Variants in KLKB1 observed in about 807,000 individuals in gnomAD.
The protein encoded by KLKB1 is plasma kallikrein.
In KLKB1, 58 loss-of-function variants were observed where a neutral mutation model predicts 73.6. That is an observed-to-expected ratio of 0.79 (90% CI 0.64 to 0.98). The LOEUF (loss-of-function observed/expected upper bound fraction) is 0.98, where lower values mean the gene tolerates loss of function less well. Ranked by LOEUF, KLKB1 falls within the 50% of genes least tolerant of loss-of-function variation. The pLI, the probability that KLKB1 is intolerant of heterozygous loss-of-function variation, is 0.00. For synonymous variants in KLKB1, 280 were observed against 258.1 expected (o/e 1.08, Z -0.81); for missense variants, 737 against 763.8 (o/e 0.96, Z 0.41).
chr4:186,231,266 T>G (rs528473375), intron 2 of KLKB1, among the ~76,000 whole-genome samples: 2 of 152,356 alleles, frequency 1.3e-5, no homozygotes, highest in East Asian at 3.9e-4. Context: ...AGTTGACAAC[T>G]GAAATGAATG....
At chr4:186,228,965 G>T (rs1407837324) in intron 2 of KLKB1, 1 of 152,144 alleles carries the variant, frequency 6.6e-6, no homozygotes, top group Non-Finnish European at 1.5e-5. Context: ...TTCCTCAGAT[G>T]TATGGCTACA....
chr4:186,215,388 GCTTT>G lies in KLKB1; in HGVS notation c.201+6120_201+6123del, dbSNP rs1266255876. On this transcript the variant is annotated intron_variant, in intron 2 of 14. Transcript: ENST00000511608. The stretch of plus-strand genomic sequence containing the variant: ...TCCTTCCTTCCTTCCTTCTTTCCTT[GCTTT>G]CTTCTTTCTTTCCTTGCTTTCTCTC... Among the ~76,000 whole-genome samples, 300 of 118,932 alleles carry G rather than the reference GCTTT, an allele frequency of 2.5e-3. 1 individual carries two copies. Among genetic ancestry groups the G allele is most frequent in the Non-Finnish European group, 4.4e-3 (254 of 57,528 alleles). 78.0% of individuals were successfully genotyped at this position (118,932 alleles called of 152,430 possible).
At chr4:186,249,827 T>G (rs1738571298) in intron 6 of KLKB1, among the ~76,000 whole-genome samples, 1 of 152,226 alleles carries the variant, frequency 6.6e-6, no homozygotes, top group Non-Finnish European at 1.5e-5. Flanking sequence ...CCTGTTCTAA[T>G]TTTAATAGGC....
chr4:186,252,157 G>A lies in KLKB1; in HGVS notation c.1285G>A (p.Val429Ile). Residue 429 changes from valine to isoleucine, a missense_variant, in exon 11 of 15, where the codon GTC (valine) becomes ATC (isoleucine). Val to Ile is a conservative substitution (Grantham distance 29). Transcript: ENST00000264690. Reference sequence around the variant, plus strand: ...AGGGTCACTCATAGGACACCAGTGGGTCCTCACTGCTGCCCACTGCTTTGA... The same window carrying A: ...AGGGTCACTCATAGGACACCAGTGGATCCTCACTGCTGCCCACTGCTTTGA... ...CGGSLIGHQW[V>I]LTAAHCFDGL... 6.2e-7 allele frequency: 1 copy of A among 1,613,866 alleles called. No individual in the cohort carries two copies. The highest frequency in any genetic ancestry group is 1.1e-5 in the South Asian group (1 of 91,090).
At chr4:186,231,774 T>C (rs528931591) in intron 2 of KLKB1, among the ~76,000 whole-genome samples, 9 of 152,244 alleles carry the variant, frequency 5.9e-5, no homozygotes, top group Non-Finnish European at 1.2e-4. Flanking sequence ...AAAAGTGTTT[T>C]GAAAATAGAG....
chr4:186,250,256 C>A lies in KLKB1; in HGVS notation c.612C>A (p.Asn204Lys). ...GTGAGTTCACAGGTTGCCACATGAA[C>A]ATCTTCCAGCATCTTGCGTTCTCAG... ...CALSEIGCHM[N>K]IFQHLAFSDV... The change falls in exon 7 of 15, where the codon AAC becomes AAA. Residue 204 changes from asparagine (N) to lysine (K), a missense_variant. By Grantham distance (94) the Asn-to-Lys change is moderately conservative (BLOSUM62 0). Coordinates refer to ENST00000264690, the MANE Select transcript of KLKB1 (RefSeq NM_000892.5). 1 of 1,614,128 alleles carries A rather than the reference C, an allele frequency of 6.2e-7. No homozygotes were observed. Among genetic ancestry groups the A allele is most frequent in the Non-Finnish European group, 8.5e-7 (1 of 1,179,982 alleles).
chr4:186,226,402 G>A (rs1737169656), upstream of KLKB1: 1 of 152,282 alleles, frequency 6.6e-6, no homozygotes, highest in East Asian at 1.9e-4. Context: ...CTTCAGCAGA[G>A]AAAGCCATTC....
upstream of KLKB1, among the ~76,000 whole-genome samples, chr4:186,221,442 C>T (rs189275485): frequency 6.6e-6 from 1 of 151,728 alleles, no homozygotes; most frequent in Admixed American, 6.6e-5. Context: ...AAACTTCCTT[C>T]TTAGAACTGC....
chr4:186,236,729 A>G (rs368275324), intron 4 of KLKB1, 52 bp from the exon 5 acceptor site: 9 of 1,590,798 alleles, frequency 5.7e-6, no homozygotes, highest in African/African-American at 1.3e-5. Context: ...TATCTAATCT[A>G]CCTCTAGAAA....
chr4:186,233,841 A>G (rs1412661893), intron 3 of KLKB1, 111 bp from the exon 4 acceptor site: 24 of 768,886 alleles, frequency 3.1e-5, no homozygotes, highest in Non-Finnish European at 5.2e-5. Context: ...TGGGGAAGCT[A>G]TATTATTTTC....
intron 6 of KLKB1, 138 bp from the exon 7 acceptor site, chr4:186,250,105 A>G (rs1490930353): frequency 1.0e-6 from 1 of 955,644 alleles, no homozygotes; most frequent in Admixed American, 1.8e-5. Flanking sequence ...AGATACTTTA[A>G]AGGACATTTT....
chr4:186,232,096 T>C (rs1311511111), intron 2 of KLKB1, 31 bp from the exon 3 acceptor site: 1 of 1,560,938 alleles, frequency 6.4e-7, no homozygotes, highest in Non-Finnish European at 8.7e-7. Context: ...ATATGAATTA[T>C]CGCAAATTAA....
chr4:186,215,503 G>T (rs1221298470), intron 2 of KLKB1, among the ~76,000 whole-genome samples: 3 of 149,224 alleles, frequency 2.0e-5, no homozygotes, highest in Non-Finnish European at 4.4e-5. Context: ...CCTTGCTTGC[G>T]CAAGTCAAGC....
At chr4:186,215,357 TTTCCTTCC>T (rs10533093) in intron 2 of KLKB1, among the ~76,000 whole-genome samples, 47 of 138,964 alleles carry the variant, frequency 3.4e-4, no homozygotes, top group East Asian at 8.5e-4. Flanking sequence ...TCCTTCTTTC[TTTCCTTCC>T]TTCCTTCCTT....
chr4:186,231,677 T>TA (rs1737403927), intron 2 of KLKB1, among the ~76,000 whole-genome samples: 1 of 152,208 alleles, frequency 6.6e-6, no homozygotes, highest in Non-Finnish European at 1.5e-5. Flanking sequence ...AACTTTCTTT[T>TA]AAAAAACATA....
intron 2 of KLKB1, among the ~76,000 whole-genome samples, chr4:186,214,165 G>C (rs1561441671): frequency 6.6e-6 from 1 of 152,188 alleles, no homozygotes; most frequent in Non-Finnish European, 1.5e-5. Flanking sequence ...ATCAGCAATA[G>C]AACCTCTGGA....
intron 2 of KLKB1, among the ~76,000 whole-genome samples, chr4:186,219,882 A>G (rs1736995627): frequency 6.6e-6 from 1 of 151,740 alleles, no homozygotes; most frequent in African/African-American, 2.4e-5. Flanking sequence ...TTCCTTGCAT[A>G]CTCTTCCTTA....
rs566112363 is a variant in KLKB1, at chr4:186,241,519, T to C, written c.598+3154T>C. Reference sequence around the variant, plus strand: ...AGATTTCCTTCTCTTGTGGTCCATCTTCCTGCATAGATCTTGAGAGATGTC... The same window carrying C: ...AGATTTCCTTCTCTTGTGGTCCATCCTCCTGCATAGATCTTGAGAGATGTC... On this transcript the variant is annotated intron_variant, in intron 6 of 14. Transcript: ENST00000264690. Among the ~76,000 whole-genome samples, 18 of 152,308 alleles carry C rather than the reference T, an allele frequency of 1.2e-4. No homozygotes were observed. In the South Asian group the frequency reaches 3.3e-3, roughly 28 times the overall value.
chr4:186,234,208 C>T, intron 4 of KLKB1, 150 bp downstream of exon 4: 1 of 687,070 alleles, frequency 1.5e-6, no homozygotes, highest in Non-Finnish European at 2.6e-6. Context: ...AAAAGAGGGA[C>T]CCATATTCAT....
Sources: gnomAD v4.1 joint callset for allele counts (sites outside exome capture counted in the v4.1 genomes callset) on GRCh38, gnomAD v4.1.1 for gene constraint, MANE v1.5 for transcripts, NCBI Gene and HGNC (gene_info 2026-07-23, HGNC 2026-07-21) for gene names.